Variants in CCDC7 observed in about 807,000 individuals in gnomAD.
CCDC7 encodes coiled-coil domain containing 7.
A neutral mutation model predicts 196.9 loss-of-function variants in CCDC7; 183 were observed. The ratio of observed to expected loss-of-function variants is 0.93; its 90% CI spans 0.82 to 1.05. The LOEUF (loss-of-function observed/expected upper bound fraction) is 1.05, where lower values mean the gene tolerates loss of function less well. CCDC7 is among the 50% of genes least tolerant of loss of function. CCDC7 has a pLI of 0.00. For synonymous variants in CCDC7, 525 were observed against 484.6 expected, an observed-to-expected ratio of 1.08 and a Z score of -1.10; for missense variants, 1,540 against 1,482.2, an observed-to-expected ratio of 1.04 and a Z score of -0.64.
Position 32,664,536 on chromosome 10 carries a change from C to T in CCDC7, c.2122+375C>T, listed in dbSNP as rs1164641719. On this transcript the variant is annotated intron_variant, in intron 21 of 41. Coordinates refer to ENST00000639629, the Ensembl canonical transcript of CCDC7. ...AGCCTCTTATAACCAACATTTTACTCTCTGTTCCTATGAACTTGACTTTTT... is the reference window on the plus strand; with the variant it reads ...AGCCTCTTATAACCAACATTTTACTTTCTGTTCCTATGAACTTGACTTTTT... Among the ~76,000 whole-genome samples, 3 of 152,178 alleles carry T rather than the reference C, an allele frequency of 2.0e-5. No individual in the cohort carries two copies. The East Asian group carries it at 5.8e-4, about 29-fold the overall frequency.
intron 24 of CCDC7, among the ~76,000 whole-genome samples, chr10:32,703,467 T>G (rs1018907040): frequency 6.6e-6 from 1 of 152,034 alleles, no homozygotes; most frequent in Non-Finnish European, 1.5e-5. Flanking sequence ...TCATTTCTAC[T>G]TTGGTGAATC....
chr10:32,698,640 GAGA>G (rs2078127080), intron 24 of CCDC7, among the ~76,000 whole-genome samples: 1 of 148,218 alleles, frequency 6.7e-6, no homozygotes, highest in African/African-American at 2.6e-5. Flanking sequence ...GAAGTGAGAA[GAGA>G]AGTTTAGAGA....
intron 24 of CCDC7, among the ~76,000 whole-genome samples, chr10:32,706,019 C>T (rs755750095): frequency 6.6e-6 from 1 of 152,140 alleles, no homozygotes; most frequent in Admixed American, 6.5e-5. Context: ...AATATGTATT[C>T]TTCTCAGCAC....
intron 41 of CCDC7, among the ~76,000 whole-genome samples, chr10:32,856,962 G>A (rs932703702): frequency 1.3e-5 from 2 of 152,016 alleles, no homozygotes. Context: ...AGTTCAACAA[G>A]ACACTGAGCC....
At chr10:32,472,636 C>T (rs2038180917) in intron 7 of CCDC7, 94 bp downstream of exon 8, 11 of 1,177,424 alleles carry the variant, frequency 9.3e-6, no homozygotes, top group Non-Finnish European at 1.3e-5. Flanking sequence ...ACTCTGTCAC[C>T]CATGCTGGAG....
chr10:32,786,902 C>T (rs1488532737), intron 29 of CCDC7, among the ~76,000 whole-genome samples: 1 of 151,960 alleles, frequency 6.6e-6, no homozygotes, highest in African/African-American at 2.4e-5. Context: ...AAACAATATC[C>T]TTAGTTGAAA....
chr10:32,836,779 T>A (rs1443820573), intron 33 of CCDC7, among the ~76,000 whole-genome samples: 3 of 152,020 alleles, frequency 2.0e-5, no homozygotes, highest in African/African-American at 7.2e-5. Context: ...GGTTGTCTGT[T>A]TACTCTGTTA....
chr10:32,549,131 T>A (rs1450514097), intron 13 of CCDC7, among the ~76,000 whole-genome samples: 1 of 152,194 alleles, frequency 6.6e-6, no homozygotes, highest in African/African-American at 2.4e-5. Context: ...GGTATGGCAT[T>A]GTGGTTTTGA....
At chr10:32,581,337 A>G (rs2058710018) in intron 16 of CCDC7, among the ~76,000 whole-genome samples, 1 of 152,136 alleles carries the variant, frequency 6.6e-6, no homozygotes, top group Admixed American at 6.5e-5. Flanking sequence ...TGGGAGGGTG[A>G]AAACAACTTG....
downstream of CCDC7, among the ~76,000 whole-genome samples, chr10:32,879,706 T>TC (rs2094719613): frequency 8.1e-6 from 1 of 123,144 alleles, no homozygotes; most frequent in Non-Finnish European, 1.8e-5. Flanking sequence ...ATGCTCTCCC[T>TC]CCCCCAACCC....
At chr10:32,612,272 A>G (rs2062234722) in intron 18 of CCDC7, among the ~76,000 whole-genome samples, 1 of 152,160 alleles carries the variant, frequency 6.6e-6, no homozygotes, top group Non-Finnish European at 1.5e-5. Flanking sequence ...TTGATTTTGT[A>G]TCCTGAGACT....
intron 29 of CCDC7, among the ~76,000 whole-genome samples, chr10:32,793,361 G>T (rs1469552518): frequency 6.6e-6 from 1 of 152,024 alleles, no homozygotes; most frequent in South Asian, 2.1e-4. Flanking sequence ...TGGAATTATT[G>T]GTGGAAAGAA....
At chr10:32,458,976 T>C (rs930263731) in intron 3 of CCDC7, among the ~76,000 whole-genome samples, 4 of 152,080 alleles carry the variant, frequency 2.6e-5, no homozygotes, top group Admixed American at 6.5e-5. Flanking sequence ...TCATCAGTAT[T>C]TTATAATTTT....
upstream of CCDC7, among the ~76,000 whole-genome samples, chr10:32,450,515 A>G (rs527524430): frequency 2.6e-5 from 4 of 152,344 alleles, no homozygotes; most frequent in South Asian, 8.3e-4. Context: ...TACCAGTGTT[A>G]CATTACTCTA....
chr10:32,701,332 T>TA (rs1272066159), intron 24 of CCDC7, among the ~76,000 whole-genome samples: 1 of 149,596 alleles, frequency 6.7e-6, no homozygotes, highest in Non-Finnish European at 1.5e-5. Flanking sequence ...TTGATTTGCG[T>TA]ATGTTGAACC....
At chr10:32,453,502 T>C in intron 2 of CCDC7, 66 bp downstream of exon 3, 1 of 1,103,404 alleles carries the variant, frequency 9.1e-7, no homozygotes, top group Non-Finnish European at 1.2e-6. Flanking sequence ...TTTTTAAAAA[T>C]ATAAATTTAA....
At chr10:32,527,108 C>T (rs562321636) in intron 11 of CCDC7, among the ~76,000 whole-genome samples, 53 of 152,296 alleles carry the variant, frequency 3.5e-4, no homozygotes, top group African/African-American at 1.1e-3. Flanking sequence ...CACTTCCCCT[C>T]TGGCAAGGGC....
chr10:32,816,112 C>A (rs1565590782), intron 31 of CCDC7, among the ~76,000 whole-genome samples: 1 of 152,176 alleles, frequency 6.6e-6, no homozygotes, highest in East Asian at 1.9e-4. Context: ...ACACATGGCA[C>A]CTGGAAAACC....
intron 29 of CCDC7, among the ~76,000 whole-genome samples, chr10:32,801,008 G>A (rs1009326159): frequency 3.3e-5 from 5 of 152,248 alleles, no homozygotes; most frequent in African/African-American, 4.8e-5. Context: ...CAGTAACTAT[G>A]CCCACCTTGC....
Sources: allele counts gnomAD v4.1 joint callset (sites outside exome capture counted in the v4.1 genomes callset), GRCh38; gene constraint gnomAD v4.1.1; transcripts MANE v1.5; gene names NCBI Gene and HGNC (gene_info 2026-07-23, HGNC 2026-07-21).